SRRM4: variants seen among roughly 807,000 people sequenced by gnomAD.
SRRM4 encodes the protein serine/arginine repetitive matrix protein 4.
Under a neutral mutation model 68.9 loss-of-function variants are expected in SRRM4, and 33 were observed. That is an observed-to-expected ratio of 0.48 (90% CI 0.36 to 0.64). The LOEUF (loss-of-function observed/expected upper bound fraction) is 0.64, where lower values mean the gene tolerates loss of function less well. SRRM4 is among the 30% of genes least tolerant of loss of function. The probability of loss-of-function intolerance (pLI) is 0.00; values close to 1 mark genes in which losing one functional copy is unlikely to be tolerated. For synonymous variants in SRRM4, 318 were observed against 318.8 expected (o/e 1.00, Z 0.03); for missense variants, 817 against 827.1 (o/e 0.99, Z 0.15).
intron 3 of SRRM4, among the ~76,000 whole-genome samples, chr12:119,114,996 AT>A (rs1565911421): frequency 6.6e-6 from 1 of 151,500 alleles, no homozygotes; most frequent in Admixed American, 6.6e-5. Flanking sequence ...ATATTGAATT[AT>A]TTTTTGAGAG....
At chr12:119,120,373 T>C (rs983013707) in intron 5 of SRRM4, 97 bp downstream of exon 5, 1 of 1,310,256 alleles carries the variant, frequency 7.6e-7, no homozygotes, top group Non-Finnish European at 1.1e-6. Context: ...ATCTGTGCTC[T>C]TAGGCATGAC....
chr12:119,078,373 C>T (rs928845767), intron 1 of SRRM4, among the ~76,000 whole-genome samples: 2 of 152,106 alleles, frequency 1.3e-5, no homozygotes, highest in Admixed American at 6.5e-5. Context: ...TACAGGTGCA[C>T]AATTAATGGG....
At chr12:119,002,497 C>T (rs182683878) in intron 1 of SRRM4, among the ~76,000 whole-genome samples, 1 of 152,226 alleles carries the variant, frequency 6.6e-6, no homozygotes, top group East Asian at 1.9e-4. Flanking sequence ...ATGGCACTGG[C>T]GTTGTCAGAA....
intron 1 of SRRM4, among the ~76,000 whole-genome samples, chr12:119,075,977 GTGA>G (rs1198206147): frequency 6.7e-6 from 1 of 149,312 alleles, no homozygotes; most frequent in East Asian, 2.0e-4. Context: ...GGTGGTGATG[GTGA>G]TGATGGTGCT....
At chr12:119,097,010 C>T (rs1256704539) in intron 1 of SRRM4, among the ~76,000 whole-genome samples, 2 of 152,088 alleles carry the variant, frequency 1.3e-5, no homozygotes, top group Non-Finnish European at 2.9e-5. Context: ...ACAGAGCCGC[C>T]GGGAGGCCTT....
intron 8 of SRRM4, among the ~76,000 whole-genome samples, chr12:119,137,587 GGAGAGAGAGAGAGA>G (rs55883419): frequency 0.29 from 34,134 of 119,152 alleles, 5,675 homozygotes; most frequent in East Asian, 0.46. Flanking sequence ...GGTTTGGAGT[GGAGAGAGAGAGAGA>G]GAGAGAGAGA....
intron 1 of SRRM4, among the ~76,000 whole-genome samples, chr12:119,032,719 G>A (rs572673374): frequency 6.6e-6 from 1 of 152,212 alleles, no homozygotes; most frequent in African/African-American, 2.4e-5. Flanking sequence ...GTATGATATT[G>A]CTGGTTCTTG....
chr12:119,072,317 C>T (rs1031840176), intron 1 of SRRM4, among the ~76,000 whole-genome samples: 2 of 152,290 alleles, frequency 1.3e-5, no homozygotes, highest in Middle Eastern at 3.4e-3. Context: ...TGTCATAGAA[C>T]CTCGGAGGTA....
At chr12:119,044,616 C>G (rs866377384) in intron 1 of SRRM4, among the ~76,000 whole-genome samples, 4 of 151,792 alleles carry the variant, frequency 2.6e-5, no homozygotes, top group Non-Finnish European at 5.9e-5. Context: ...TAGACTTGGC[C>G]AAGTCCTTTA....
chr12:119,027,882 T>C (rs1953559277), intron 1 of SRRM4, among the ~76,000 whole-genome samples: 1 of 152,218 alleles, frequency 6.6e-6, no homozygotes, highest in Non-Finnish European at 1.5e-5. Flanking sequence ...TTATAACCAC[T>C]GTGGTCTTTT....
intron 1 of SRRM4, among the ~76,000 whole-genome samples, chr12:119,080,187 AG>A (rs1953939651): frequency 6.8e-6 from 1 of 147,536 alleles, no homozygotes; most frequent in East Asian, 2.0e-4. Context: ...GGAAGGAGGA[AG>A]GGTTGGTTTT....
chr12:119,117,002 G>A lies in SRRM4; in HGVS notation c.431G>A (p.Arg144Gln), dbSNP rs771801140. The change falls in exon 4 of 13, where the codon CGA (arginine) becomes CAA (glutamine). Residue 144 changes from arginine (R) to glutamine (Q), a missense_variant. Coordinates refer to ENST00000267260, the MANE Select transcript of SRRM4 (RefSeq NM_194286.4). ...AAGAAAAGTTCCAAGAAACACAAGCGACGCAGGTATTGTCCTTTTTCTCTG... is the reference window on the plus strand; with the variant it reads ...AAGAAAAGTTCCAAGAAACACAAGCAACGCAGGTATTGTCCTTTTTCTCTG... ...KKKKSSKKHK[R>Q]RRSFSKKRRH... is the part of the protein sequence containing the mutation. The A allele has an allele frequency of 5.6e-6, 9 of 1,613,700 alleles. No homozygotes were observed. The highest frequency in any genetic ancestry group is 2.7e-5 in the African/African-American group (2 of 74,928).
intron 1 of SRRM4, among the ~76,000 whole-genome samples, chr12:119,074,208 A>G (rs1448115532): frequency 3.1e-4 from 1 of 3,270 alleles, no homozygotes; most frequent in Non-Finnish European, 1.1e-3. Context: ...GAAACGGTGA[A>G]AAAAAAAATC....
At chr12:119,106,240 C>T (rs11064662) in intron 2 of SRRM4, among the ~76,000 whole-genome samples, 1,878 of 152,184 alleles carry the variant, frequency 0.012, 31 homozygotes, top group East Asian at 0.099. Context: ...AGTCAGGTAG[C>T]GTGATGCCTC....
chr12:119,091,124 T>G (rs1954011942), intron 1 of SRRM4, among the ~76,000 whole-genome samples: 1 of 152,178 alleles, frequency 6.6e-6, no homozygotes, highest in Admixed American at 6.5e-5. Context: ...CACGAGTGTG[T>G]GTGTGTCTGC....
intron 1 of SRRM4, among the ~76,000 whole-genome samples, chr12:118,998,260 C>T (rs1326148398): frequency 3.6e-5 from 2 of 55,576 alleles, no homozygotes; most frequent in South Asian, 5.5e-4. Flanking sequence ...TGGATAAGAG[C>T]AATATGGCAA....
intron 1 of SRRM4, among the ~76,000 whole-genome samples, chr12:119,063,394 C>T (rs1478355895): frequency 6.6e-6 from 1 of 152,130 alleles, no homozygotes; most frequent in African/African-American, 2.4e-5. Context: ...TTGTCATGGG[C>T]TGGCCAGAGA....
At chr12:119,036,368 C>T (rs1035235003) in intron 1 of SRRM4, among the ~76,000 whole-genome samples, 2 of 152,162 alleles carry the variant, frequency 1.3e-5, no homozygotes, top group African/African-American at 2.4e-5. Flanking sequence ...AGGGTCTCTT[C>T]CATTTGCTTC....
At chr12:119,121,712 G>A (rs548738597) in intron 5 of SRRM4, among the ~76,000 whole-genome samples, 2 of 152,328 alleles carry the variant, frequency 1.3e-5, no homozygotes, top group African/African-American at 4.8e-5. Context: ...ATAGGTTGTG[G>A]AGAGAATAAA....
Sources: gnomAD v4.1 joint callset for allele counts (sites outside exome capture counted in the v4.1 genomes callset) on GRCh38, gnomAD v4.1.1 for gene constraint, MANE v1.5 for transcripts, NCBI Gene and HGNC (gene_info 2026-07-23, HGNC 2026-07-21) for gene names.